OR4N2: variants seen among roughly 807,000 people sequenced by gnomAD.
The protein encoded by OR4N2 is olfactory receptor 4N2.
For synonymous variants in OR4N2, 141 were observed against 140.4 expected (o/e 1.00, Z -0.03); for missense variants, 307 against 377.6 (o/e 0.81, Z 1.55).
intron 1 of OR4N2, among the ~76,000 whole-genome samples, chr14:19,811,640 G>A (rs1879299777): frequency 6.6e-6 from 1 of 152,258 alleles, no homozygotes; most frequent in Admixed American, 6.5e-5. Flanking sequence ...AACGATAGTT[G>A]GCTTAACATT....
intron 1 of OR4N2, among the ~76,000 whole-genome samples, chr14:19,808,421 A>G (rs1460284394): frequency 6.6e-6 from 1 of 152,200 alleles, no homozygotes; most frequent in Non-Finnish European, 1.5e-5. Flanking sequence ...AATCAGTAGC[A>G]TTTCCATACA....
At chr14:19,825,546 T>TTTAC (rs1594402414) in intron 1 of OR4N2, among the ~76,000 whole-genome samples, 1 of 151,362 alleles carries the variant, frequency 6.6e-6, no homozygotes, top group Non-Finnish European at 1.5e-5. Flanking sequence ...TATTTATTTA[T>TTTAC]TTATTTATTT....
chr14:19,823,564 T>C (rs1193997228), intron 1 of OR4N2, among the ~76,000 whole-genome samples: 2 of 152,224 alleles, frequency 1.3e-5, no homozygotes, highest in Non-Finnish European at 2.9e-5. Flanking sequence ...GTTTTGTTTT[T>C]AGATGTATTA....
At chr14:19,816,237 AAGTCAGTGGT>A (rs1159203260) in intron 1 of OR4N2, among the ~76,000 whole-genome samples, 1 of 152,250 alleles carries the variant, frequency 6.6e-6, no homozygotes. Context: ...TCTGTGAAGA[AAGTCAGTGGT>A]AGCTTGATGG....
In OR4N2 at chr14:19,828,139, G is replaced by A. The variant is rs139512020; in HGVS notation, c.691G>A (p.Glu231Lys). ...ILCRIRGSSS[E>K]AKNKAMSTCI... ...TTGTCGCATACGAGGGTCTTCTTCT[G>A]AGGCAAAAAACAAGGCCATGTCCAC... The change falls in exon 2 of 2, where the codon GAG becomes AAG. Residue 231 changes from glutamate to lysine, a missense_variant. Glu to Lys is a moderately conservative substitution (Grantham distance 56). Transcript: ENST00000557677. 43 of 1,614,078 alleles carry A rather than the reference G, an allele frequency of 2.7e-5. 1 individual carries two copies. The highest frequency in any genetic ancestry group is 3.3e-5 in the Non-Finnish European group (39 of 1,180,034).
chr14:19,817,635 C>G (rs1181838978), intron 1 of OR4N2, among the ~76,000 whole-genome samples: 2 of 152,218 alleles, frequency 1.3e-5, no homozygotes, highest in Admixed American at 6.5e-5. Context: ...TTTCAAAAAA[C>G]CAGCTCCTGG....
chr14:19,821,323 G>C (rs1396876492), intron 1 of OR4N2, among the ~76,000 whole-genome samples: 1 of 152,228 alleles, frequency 6.6e-6, no homozygotes, highest in African/African-American at 2.4e-5. Context: ...GAAATCTTCT[G>C]TGAGTAACCT....
chr14:19,822,974 C>T (rs1371011684), intron 1 of OR4N2, among the ~76,000 whole-genome samples: 2 of 152,174 alleles, frequency 1.3e-5, no homozygotes, highest in African/African-American at 4.8e-5. Flanking sequence ...TATTACATTG[C>T]CTAAAAAACT....
At chr14:19,811,492 C>A (rs1383107770) in intron 1 of OR4N2, among the ~76,000 whole-genome samples, 1 of 152,230 alleles carries the variant, frequency 6.6e-6, no homozygotes, top group Non-Finnish European at 1.5e-5. Flanking sequence ...GTGATCCGCC[C>A]TCCTAGGCCC....
intron 1 of OR4N2, among the ~76,000 whole-genome samples, chr14:19,820,945 A>T (rs1396834463): frequency 6.6e-6 from 1 of 152,200 alleles, no homozygotes; most frequent in Admixed American, 6.5e-5. Context: ...GAATAGTTCT[A>T]TCTTGCTGGC....
rs772273269 is a variant in OR4N2 at position 19,828,208 on chromosome 14, G to A, written c.760G>A (p.Gly254Ser). ...TGTTATATTCTTCATGTTTGGACCTGGCATCTTCATCTACACGCGCCCCTT... is the reference window on the plus strand; with the variant it reads ...TGTTATATTCTTCATGTTTGGACCTAGCATCTTCATCTACACGCGCCCCTT... ...IIVIFFMFGP[G>S]IFIYTRPFRA... Residue 254 changes from glycine (G) to serine (S), a missense_variant, in exon 2 of 2, where the codon GGC becomes AGC. By Grantham distance (56) the Gly-to-Ser change is moderately conservative (BLOSUM62 0). Coordinates refer to ENST00000557677, the MANE Select transcript of OR4N2 (RefSeq NM_001004723.3). 2 of 1,613,768 alleles carry A rather than the reference G, an allele frequency of 1.2e-6. No homozygotes were observed. The highest frequency in any genetic ancestry group is 2.2e-5 in the South Asian group (2 of 91,062).
In OR4N2 at chr14:19,820,895, C is replaced by T. The variant is rs1185726602; in HGVS notation, c.-9-6545C>T. On this transcript the variant is annotated intron_variant, in intron 1 of 1. Coordinates refer to ENST00000557677, the MANE Select transcript of OR4N2 (RefSeq NM_001004723.3). ...TGGGGGTGGGATCCACTGAGATAGA[C>T]CACTTGAATCCCTGGCTTCAGCCCC... Among the ~76,000 whole-genome samples the T allele has an allele frequency of 3.3e-5, 5 of 152,252 alleles. No homozygotes were observed. The East Asian group carries it at 9.6e-4, about 29-fold the overall frequency.
chr14:19,824,982 G>A (rs1346116774), intron 1 of OR4N2, among the ~76,000 whole-genome samples: 2 of 152,262 alleles, frequency 1.3e-5, no homozygotes, highest in Admixed American at 1.3e-4. Context: ...GTCGACTGTA[G>A]AAGGGGCTCT....
intron 1 of OR4N2, among the ~76,000 whole-genome samples, chr14:19,824,273 T>C (rs564804749): frequency 2.0e-5 from 3 of 152,316 alleles, no homozygotes; most frequent in East Asian, 3.9e-4. Context: ...CCAACCACCA[T>C]TTAGAGAAGG....
rs1879819289 is a variant in OR4N2 at position 19,829,728 on chromosome 14, A to G, written c.*1356A>G. The G allele has an allele frequency of 6.6e-6, 1 of 152,264 alleles. No individual in the cohort carries two copies. The allele number at this position is 152,264 out of a possible 1,614,324, so 9.4% of individuals were successfully genotyped here. A position where few individuals can be genotyped will look rare whatever the true frequency, so the allele number is the denominator to read the frequency against. On this transcript the variant is annotated 3_prime_UTR_variant, in exon 2 of 2. Coordinates refer to ENST00000557677, the MANE Select transcript of OR4N2 (RefSeq NM_001004723.3). ...TGAGTACATTAAATGGGCAGCATCC[A>G]AAACATCTGGAACCCCAAATGCAAG... is the stretch of plus-strand genomic sequence containing the variant.
At chr14:19,815,549 G>A (rs548178645) in intron 1 of OR4N2, among the ~76,000 whole-genome samples, 17 of 151,948 alleles carry the variant, frequency 1.1e-4, no homozygotes, top group Admixed American at 3.9e-4. Flanking sequence ...ATTTGTTTAA[G>A]TTCCCTGTAG....
chr14:19,815,959 C>A (rs1366768830), intron 1 of OR4N2, among the ~76,000 whole-genome samples: 1 of 152,192 alleles, frequency 6.6e-6, no homozygotes, highest in African/African-American at 2.4e-5. Flanking sequence ...ATAGGGAATC[C>A]TTTTCCCATT....
chr14:19,827,160 A>G (rs1224789271), intron 1 of OR4N2, among the ~76,000 whole-genome samples: 5 of 152,392 alleles, frequency 3.3e-5, no homozygotes, highest in Admixed American at 2.0e-4. Context: ...AGGAATCCCA[A>G]CGTGGAGGAT....
At chr14:19,818,833 C>G (rs1165941983) in intron 1 of OR4N2, among the ~76,000 whole-genome samples, 1 of 152,190 alleles carries the variant, frequency 6.6e-6, no homozygotes, top group African/African-American at 2.4e-5. Flanking sequence ...TTTTTCTTTC[C>G]ATATTTAGTG....
Sources: allele counts gnomAD v4.1 joint callset (sites outside exome capture counted in the v4.1 genomes callset), GRCh38; gene constraint gnomAD v4.1.1; transcripts MANE v1.5; gene names NCBI Gene and HGNC (gene_info 2026-07-23, HGNC 2026-07-21).